Variants in DLGAP1 observed in about 807,000 individuals in gnomAD.
DLGAP1 encodes disks large-associated protein 1.
In DLGAP1, 11 loss-of-function variants were observed where a neutral mutation model predicts 90.8. The ratio of observed to expected loss-of-function variants is 0.12; its 90% CI spans 0.08 to 0.20. The LOEUF is 0.20. Among genes scored for constraint, DLGAP1 ranks in the 10% least tolerant of loss-of-function variants. The pLI, the probability that DLGAP1 is intolerant of heterozygous loss-of-function variation, is 1.00. For missense variants in DLGAP1, 1,050 were observed against 1,333.8 expected (o/e 0.79, Z 3.31); for synonymous variants, 558 against 540.7 (o/e 1.03, Z -0.44).
chr18:3,880,265 C>A (rs1368632582), intron 3 of DLGAP1, 125 bp from the exon 4 acceptor site: 7 of 609,868 alleles, frequency 1.1e-5, no homozygotes, highest in Non-Finnish European at 1.4e-5. Context: ...CTTCCTGCAG[C>A]CTCCACATCC....
At chr18:4,429,607 G>C (rs61322526) in intron 1 of DLGAP1, among the ~76,000 whole-genome samples, 1,872 of 152,248 alleles carry the variant, frequency 0.012, 44 homozygotes, top group African/African-American at 0.041. Flanking sequence ...AGGACACTGG[G>C]GATGCTTCTT....
intron 1 of DLGAP1, among the ~76,000 whole-genome samples, chr18:4,279,707 T>C (rs1169590678): frequency 1.3e-5 from 2 of 152,352 alleles, no homozygotes; most frequent in African/African-American, 4.8e-5. Flanking sequence ...AAGTAAACAT[T>C]TATTGTAAAG....
At chr18:4,387,952 C>CAG (rs2082269061) in intron 1 of DLGAP1, among the ~76,000 whole-genome samples, 1 of 151,462 alleles carries the variant, frequency 6.6e-6, no homozygotes, top group African/African-American at 2.4e-5. Flanking sequence ...CACACACACA[C>CAG]ACACACACAC....
At chr18:4,304,696 T>A (rs1305920039) in intron 1 of DLGAP1, among the ~76,000 whole-genome samples, 2 of 152,026 alleles carry the variant, frequency 1.3e-5, no homozygotes, top group Non-Finnish European at 2.9e-5. Context: ...TTTGGGAGGC[T>A]GAGGAGGGTG....
At chr18:3,995,198 T>G (rs1205655439) in intron 3 of DLGAP1, 2 of 152,100 alleles carry the variant, frequency 1.3e-5, no homozygotes, top group African/African-American at 4.8e-5. Context: ...AATTACTTAA[T>G]ACACTTTTGT....
intron 1 of DLGAP1, among the ~76,000 whole-genome samples, chr18:4,433,819 A>G (rs1302273431): frequency 6.6e-6 from 1 of 152,196 alleles, no homozygotes; most frequent in African/African-American, 2.4e-5. Flanking sequence ...CTAGTATCAC[A>G]ATGTGGATAG....
At chr18:4,353,708 GAT>G (rs2081446565) in intron 1 of DLGAP1, among the ~76,000 whole-genome samples, 1 of 150,522 alleles carries the variant, frequency 6.6e-6, no homozygotes, top group African/African-American at 2.4e-5. Context: ...ACATACACAC[GAT>G]ATATAAACAT....
intron 7 of DLGAP1, among the ~76,000 whole-genome samples, chr18:3,705,753 G>A (rs1343718857): frequency 2.0e-5 from 3 of 151,580 alleles, no homozygotes; most frequent in African/African-American, 7.3e-5. Context: ...CTGCCTCCTG[G>A]GTTCAAGTGA....
chr18:4,299,551 T>A (rs1326580759), intron 1 of DLGAP1, among the ~76,000 whole-genome samples: 3 of 152,250 alleles, frequency 2.0e-5, no homozygotes, highest in Admixed American at 1.3e-4. Flanking sequence ...TTTGTCACAC[T>A]GTCACTAAGT....
At chr18:3,874,253 T>C (rs1031861714) in intron 4 of DLGAP1, 15 of 1,549,822 alleles carry the variant, frequency 9.7e-6, no homozygotes, top group Non-Finnish European at 1.1e-5. Flanking sequence ...ATTTCATCTC[T>C]GGGAGTGCTT....
At chr18:4,438,234 C>A (rs1043171002) in intron 1 of DLGAP1, among the ~76,000 whole-genome samples, 1 of 151,848 alleles carries the variant, frequency 6.6e-6, no homozygotes, top group Non-Finnish European at 1.5e-5. Flanking sequence ...TGGTGCATGG[C>A]GAATAAGGAA....
intron 7 of DLGAP1, chr18:3,597,186 G>C (rs1238408381): frequency 3.9e-6 from 2 of 519,076 alleles, no homozygotes; most frequent in Admixed American, 3.9e-5. Context: ...ATGGATATCT[G>C]AGAGCCAGCG....
At chr18:3,602,534 G>T (rs926132039) in intron 7 of DLGAP1, among the ~76,000 whole-genome samples, 2 of 146,236 alleles carry the variant, frequency 1.4e-5, no homozygotes, top group African/African-American at 2.5e-5. Flanking sequence ...GGCGGAGCTT[G>T]CAGGGAGCCG....
chr18:3,905,727 G>T (rs1289655083), intron 3 of DLGAP1, among the ~76,000 whole-genome samples: 1 of 152,204 alleles, frequency 6.6e-6, no homozygotes, highest in Non-Finnish European at 1.5e-5. Context: ...AAATAGCCAT[G>T]TCAGAAGATC....
In DLGAP1 at chr18:3,924,139, C is replaced by G. The variant is rs72863469; in HGVS notation, c.-72-43999G>C. Among the ~76,000 whole-genome samples the G allele has an allele frequency of 4.2e-3, 643 of 152,240 alleles. 2 individuals are homozygous for G. Among genetic ancestry groups the G allele is most frequent in the Admixed American group, 0.01 (157 of 15,292 alleles). ...GTGTCACTATTACAGAAATAGTGAG[C>G]CTGGCAGAGGCTAGAAAGCAACCGA... On this transcript the variant is annotated intron_variant, in intron 3 of 12. Coordinates refer to ENST00000315677, the MANE Select transcript of DLGAP1 (RefSeq NM_004746.4).
intron 1 of DLGAP1, among the ~76,000 whole-genome samples, chr18:4,273,937 A>T (rs1598783115): frequency 6.6e-6 from 1 of 151,650 alleles, no homozygotes; most frequent in East Asian, 1.9e-4. Flanking sequence ...AGGCTTGTCA[A>T]TTTTTTTTAT....
At chr18:3,989,999 A>T (rs2073928731) in intron 3 of DLGAP1, among the ~76,000 whole-genome samples, 2 of 152,144 alleles carry the variant, frequency 1.3e-5, no homozygotes, top group South Asian at 4.2e-4. Flanking sequence ...GCTGGAGAGG[A>T]TGTGGAGAAA....
Position 4,117,546 on chromosome 18 carries a change from C to T in DLGAP1, c.-159+33634G>A, listed in dbSNP as rs759415218. ...GAGCCTGGCTATGTAGAGATTTCTCCGGGTCAGCATAAAATCACTGGTCAT... is the reference window on the plus strand; with the variant it reads ...GAGCCTGGCTATGTAGAGATTTCTCTGGGTCAGCATAAAATCACTGGTCAT... On this transcript the variant is annotated intron_variant, in intron 2 of 12. Coordinates refer to ENST00000315677, the MANE Select transcript of DLGAP1 (RefSeq NM_004746.4). Among the ~76,000 whole-genome samples the T allele has an allele frequency of 1.5e-4, 23 of 152,262 alleles. No homozygotes were observed. In the East Asian group the frequency reaches 2.9e-3, roughly 19 times the overall value.
At chr18:4,176,365 C>A (rs1006699575) in intron 1 of DLGAP1, among the ~76,000 whole-genome samples, 1 of 152,214 alleles carries the variant, frequency 6.6e-6, no homozygotes. Context: ...ACTAGTCATA[C>A]AGCACCTCCA....
Sources: allele counts gnomAD v4.1 joint callset (sites outside exome capture counted in the v4.1 genomes callset), GRCh38; gene constraint gnomAD v4.1.1; transcripts MANE v1.5; gene names NCBI Gene and HGNC (gene_info 2026-07-23, HGNC 2026-07-21).